DLG2: variants seen among roughly 807,000 people sequenced by gnomAD.
The protein encoded by DLG2 is disks large homolog 2.
A neutral mutation model predicts 132.5 loss-of-function variants in DLG2; 45 were observed. The observed-to-expected ratio is 0.34, with a 90% CI of 0.27 to 0.44. DLG2 has a LOEUF of 0.44. DLG2 is among the 20% of genes least tolerant of loss of function. The pLI is 1.00. For missense variants in DLG2, 1,045 were observed against 1,196.9 expected, an observed-to-expected ratio of 0.87 and a Z score of 1.87; for synonymous variants, 424 against 419.6, an observed-to-expected ratio of 1.01 and a Z score of -0.13.
At chr11:84,957,381 C>T (rs556425479) in intron 6 of DLG2, among the ~76,000 whole-genome samples, 1 of 152,232 alleles carries the variant, frequency 6.6e-6, no homozygotes, top group Non-Finnish European at 1.5e-5. Flanking sequence ...ATAATTTAGT[C>T]CACATTATAT....
At chr11:85,495,794 GTATTATAAATCATTC>G (rs555691023) in intron 3 of DLG2, among the ~76,000 whole-genome samples, 133 of 152,248 alleles carry the variant, frequency 8.7e-4, no homozygotes, top group African/African-American at 3.1e-3. Context: ...TATACCCAAA[GTATTATAAATCATTC>G]TATTATAAAG....
At chr11:83,476,977 T>G (rs2092672558) in intron 22 of DLG2, among the ~76,000 whole-genome samples, 1 of 152,112 alleles carries the variant, frequency 6.6e-6, no homozygotes. Flanking sequence ...TGCACCATTT[T>G]GACTGACTCC....
intron 6 of DLG2, among the ~76,000 whole-genome samples, chr11:85,079,520 C>G (rs1377161942): frequency 1.3e-5 from 2 of 150,546 alleles, no homozygotes; most frequent in Admixed American, 1.3e-4. Context: ...ACCTTATCCC[C>G]CTCTGGCCAA....
Position 84,545,688 on chromosome 11 carries a change from C to A in DLG2, c.358-10957G>T. ...TCCCTTTGCTTGCCACTGCCTCGGT[C>A]ATTCATGATTTCAGTCACTTCAATT... On this transcript the variant is annotated intron_variant, in intron 6 of 27. Coordinates refer to ENST00000376104, the MANE Select transcript of DLG2 (RefSeq NM_001142699.3). 4 of 282,290 alleles carry A rather than the reference C, an allele frequency of 1.4e-5. No homozygotes were observed. The South Asian group carries it at 1.9e-4, about 13-fold the overall frequency. The allele number at this position is 282,290 out of a possible 1,614,324, so 17.5% of individuals were successfully genotyped here.
rs192808445 is a variant in DLG2 at position 85,280,125 on chromosome 11, C to A, written c.186+5095G>T. ...CCTTTTTCAAAGCATATATATATAT[C>A]CTTTTATTTGATTCTCCCTGACATA... is the stretch of plus-strand genomic sequence containing the variant. On this transcript the variant is annotated intron_variant, in intron 4 of 27. Coordinates refer to ENST00000376104, the MANE Select transcript of DLG2 (RefSeq NM_001142699.3). Among the ~76,000 whole-genome samples the A allele has an allele frequency of 8.4e-3, 1,273 of 151,874 alleles. 16 individuals carry two copies. The highest frequency in any genetic ancestry group is 0.013 in the Non-Finnish European group (900 of 67,910).
At chr11:85,318,915 A>C (rs2152820092) in intron 3 of DLG2, among the ~76,000 whole-genome samples, 1 of 151,984 alleles carries the variant, frequency 6.6e-6, no homozygotes, top group East Asian at 1.9e-4. Context: ...CTACATAACA[A>C]TTTGCCACTG....
chr11:83,749,764 C>G (rs1171360012), intron 18 of DLG2, among the ~76,000 whole-genome samples: 2 of 152,070 alleles, frequency 1.3e-5, no homozygotes, highest in African/African-American at 2.4e-5. Flanking sequence ...ATGTAGGGAC[C>G]TACACTGGGG....
intron 6 of DLG2, among the ~76,000 whole-genome samples, chr11:84,556,986 C>T (rs2099413201): frequency 6.6e-6 from 1 of 152,144 alleles, no homozygotes; most frequent in Non-Finnish European, 1.5e-5. Flanking sequence ...GGGTATCCAT[C>T]CCGGGTCATA....
At position 84,106,600 on chromosome 11, in the gene DLG2, G is replaced by C. The variant is rs1595390962; in HGVS notation, c.625-7553C>G. ...GCCCCATAGTTTGTTCTATTAAATTGTATTTTTCTGGAAGCTGCTGGGTAG... is the reference window on the plus strand; with the variant it reads ...GCCCCATAGTTTGTTCTATTAAATTCTATTTTTCTGGAAGCTGCTGGGTAG... On this transcript the variant is annotated intron_variant, in intron 9 of 27. Transcript: ENST00000376104. Among the ~76,000 whole-genome samples the C allele has an allele frequency of 2.0e-5, 3 of 152,090 alleles. No individual in the cohort carries two copies. In the East Asian group the frequency reaches 5.8e-4, roughly 29 times the overall value.
intron 7 of DLG2, among the ~76,000 whole-genome samples, chr11:84,448,819 C>T (rs1046788113): frequency 3.9e-5 from 6 of 151,908 alleles, no homozygotes; most frequent in African/African-American, 9.7e-5. Context: ...TATTTATTTT[C>T]GTATCCTCGG....
At chr11:84,215,261 TAG>T (rs2154317163) in intron 8 of DLG2, among the ~76,000 whole-genome samples, 1 of 152,300 alleles carries the variant, frequency 6.6e-6, no homozygotes, top group East Asian at 1.9e-4. Context: ...CACCTGATCA[TAG>T]TAGGCATAGT....
At chr11:85,398,801 A>T (rs2087702206) in intron 3 of DLG2, among the ~76,000 whole-genome samples, 1 of 152,196 alleles carries the variant, frequency 6.6e-6, no homozygotes, top group Non-Finnish European at 1.5e-5. Flanking sequence ...ACTCACCAAA[A>T]AAAGTCCAGG....
chr11:85,546,747 G>A (rs144423533), intron 3 of DLG2, among the ~76,000 whole-genome samples: 5,372 of 129,332 alleles, frequency 0.042, 146 homozygotes, highest in Admixed American at 0.064. Flanking sequence ...ATTATGTAAT[G>A]GCCTTCTTTG....
At chr11:83,734,616 A>AT (rs1488738099) in intron 18 of DLG2, among the ~76,000 whole-genome samples, 11 of 152,016 alleles carry the variant, frequency 7.2e-5, no homozygotes, top group Admixed American at 3.9e-4. Context: ...ATGCCAGGCT[A>AT]TTTTTTTGTA....
chr11:84,588,969 T>A (rs1357153181), intron 6 of DLG2, among the ~76,000 whole-genome samples: 1 of 152,108 alleles, frequency 6.6e-6, no homozygotes, highest in African/African-American at 2.4e-5. Flanking sequence ...TTGGGACCCC[T>A]TTCTGGTAAC....
chr11:84,373,222 C>G (rs2154430060), intron 7 of DLG2, among the ~76,000 whole-genome samples: 1 of 87,738 alleles, frequency 1.1e-5, no homozygotes, highest in South Asian at 3.9e-4. Flanking sequence ...TTTCTCTAAA[C>G]TTTGTTTTTT....
intron 7 of DLG2, among the ~76,000 whole-genome samples, chr11:84,264,577 C>G (rs888746206): frequency 2.0e-5 from 3 of 152,138 alleles, no homozygotes; most frequent in Admixed American, 6.6e-5. Context: ...TGTGGGGACT[C>G]TGTCACAAGT....
At chr11:85,122,964 T>C (rs2074551362) in intron 5 of DLG2, among the ~76,000 whole-genome samples, 1 of 56,930 alleles carries the variant, frequency 1.8e-5, no homozygotes, top group Non-Finnish European at 3.3e-5. Flanking sequence ...TATATATATA[T>C]ATATATTTTT....
In DLG2 at chr11:85,319,733, G is replaced by A. The variant is rs74907734; in HGVS notation, c.41-34368C>T. 5.6e-4 allele frequency among the ~76,000 whole-genome samples: 85 copies of A among 151,902 alleles called. No individual in the cohort carries two copies. The East Asian group carries it at 0.014, about 25-fold the overall frequency. On this transcript the variant is annotated intron_variant, in intron 3 of 27. Transcript: ENST00000376104. The stretch of plus-strand genomic sequence containing the variant: ...ACCATTCCTGGAGAATGTTCAATGT[G>A]CATTAACATATTCAACACAGTATAA...
Sources: gnomAD v4.1 joint callset for allele counts (sites outside exome capture counted in the v4.1 genomes callset) on GRCh38, gnomAD v4.1.1 for gene constraint, MANE v1.5 for transcripts, NCBI Gene and HGNC (gene_info 2026-07-23, HGNC 2026-07-21) for gene names.